Variants in TYW1B observed in about 807,000 individuals in gnomAD.
TYW1B encodes tRNA-yW synthesizing protein 1 homolog B.
In TYW1B, 73 loss-of-function variants were observed where a neutral mutation model predicts 86.9. That is an observed-to-expected ratio of 0.84 (90% CI 0.70 to 1.02). The LOEUF (loss-of-function observed/expected upper bound fraction) is 1.02. Among genes scored for constraint, TYW1B ranks in the 50% least tolerant of loss-of-function variants. The probability of loss-of-function intolerance (pLI) is 0.00; values close to 1 mark genes in which losing one functional copy is unlikely to be tolerated. For missense variants in TYW1B, 637 were observed against 827.4 expected (o/e 0.77, Z 2.82); for synonymous variants, 248 against 292.8 (o/e 0.85, Z 1.56).
intron 13 of TYW1B, among the ~76,000 whole-genome samples, chr7:72,609,045 T>C (rs1811868340): frequency 6.6e-6 from 1 of 152,222 alleles, no homozygotes; most frequent in South Asian, 2.1e-4. Flanking sequence ...TAACGTACTA[T>C]GATCACGTAA....
intron 7 of TYW1B, among the ~76,000 whole-genome samples, chr7:72,764,401 G>C (rs34559087): frequency 0.68 from 103,622 of 151,294 alleles, 36,382 homozygotes; most frequent in Non-Finnish European, 0.77. Flanking sequence ...TTCTGCCTCA[G>C]CCTCCCGAGT....
chr7:72,685,456 AAC>A (rs1327362395), intron 11 of TYW1B, among the ~76,000 whole-genome samples: 5 of 152,206 alleles, frequency 3.3e-5, no homozygotes, highest in African/African-American at 1.2e-4. Flanking sequence ...TTGTTGCAAG[AAC>A]AGACAAATAG....
intron 11 of TYW1B, among the ~76,000 whole-genome samples, chr7:72,689,973 C>T (rs2129570163): frequency 6.6e-6 from 1 of 152,232 alleles, no homozygotes; most frequent in Middle Eastern, 3.4e-3. Flanking sequence ...CATTAATGTA[C>T]AATAAGCCCT....
chr7:72,678,830 C>A (rs117829997), intron 11 of TYW1B, among the ~76,000 whole-genome samples: 2,670 of 151,980 alleles, frequency 0.018, 38 homozygotes, highest in Non-Finnish European at 0.027. Flanking sequence ...TATAAGCCAA[C>A]GTGCCCGGAC....
At chr7:72,809,723 G>C (rs1455683909) in intron 4 of TYW1B, among the ~76,000 whole-genome samples, 2 of 152,082 alleles carry the variant, frequency 1.3e-5, no homozygotes, top group African/African-American at 4.8e-5. Context: ...GGGCAGGCTG[G>C]GCATGATGGC....
intron 11 of TYW1B, among the ~76,000 whole-genome samples, chr7:72,654,496 G>A (rs1251539125): frequency 6.6e-6 from 1 of 152,200 alleles, no homozygotes; most frequent in East Asian, 1.9e-4. Context: ...AATGTAAGGT[G>A]CTATCCTGAA....
intron 6 of TYW1B, among the ~76,000 whole-genome samples, chr7:72,800,629 G>A (rs564987198): frequency 1.3e-4 from 20 of 149,862 alleles, no homozygotes; most frequent in Non-Finnish European, 2.9e-4. Context: ...TCATGAGCCA[G>A]TACTACAGTT....
At chr7:72,617,948 A>C (rs1554437235) in intron 12 of TYW1B, among the ~76,000 whole-genome samples, 1 of 152,074 alleles carries the variant, frequency 6.6e-6, no homozygotes, top group Non-Finnish European at 1.5e-5. Flanking sequence ...AAAATGATTA[A>C]TTTTCTAATA....
intron 13 of TYW1B, among the ~76,000 whole-genome samples, chr7:72,593,479 T>C (rs1388823190): frequency 3.9e-5 from 6 of 152,004 alleles, no homozygotes; most frequent in Admixed American, 2.0e-4. Flanking sequence ...TTCAAAAACA[T>C]AGATATCATA....
intron 11 of TYW1B, among the ~76,000 whole-genome samples, chr7:72,645,446 A>G (rs1226348949): frequency 2.6e-5 from 4 of 152,224 alleles, no homozygotes; most frequent in Non-Finnish European, 5.9e-5. Context: ...ATACACAGTG[A>G]ACATCAGTTA....
At chr7:72,791,549 G>C (rs534331119) in intron 6 of TYW1B, among the ~76,000 whole-genome samples, 1 of 152,242 alleles carries the variant, frequency 6.6e-6, no homozygotes, top group East Asian at 1.9e-4. Flanking sequence ...AGGCCAAGGT[G>C]GGCGGATCAT....
intron 10 of TYW1B, among the ~76,000 whole-genome samples, chr7:72,703,011 TATATATA>T: frequency 3.1e-5 from 1 of 32,248 alleles, no homozygotes; most frequent in African/African-American, 9.9e-5. Flanking sequence ...TATATATATA[TATATATA>T]TATATATATT....
intron 2 of TYW1B, among the ~76,000 whole-genome samples, chr7:72,818,578 C>CAAAAAAAAA (rs57325230): frequency 2.6e-5 from 1 of 38,424 alleles, no homozygotes; most frequent in Admixed American, 3.0e-4. Flanking sequence ...GACTCCATCT[C>CAAAAAAAAA]AAAAAAAAAA....
intron 2 of TYW1B, among the ~76,000 whole-genome samples, chr7:72,826,493 C>T (rs1303593222): frequency 2.0e-5 from 3 of 152,120 alleles, no homozygotes; most frequent in Non-Finnish European, 2.9e-5. Flanking sequence ...ATACTTTTAT[C>T]CTATAAGGTA....
intron 7 of TYW1B, among the ~76,000 whole-genome samples, chr7:72,767,593 G>T (rs1457263558): frequency 6.6e-6 from 1 of 151,900 alleles, no homozygotes; most frequent in African/African-American, 2.4e-5. Context: ...CTGGGTGACA[G>T]AGCAAGACCC....
At chr7:72,609,464 C>G (rs1811882514) in intron 13 of TYW1B, among the ~76,000 whole-genome samples, 1 of 152,024 alleles carries the variant, frequency 6.6e-6, no homozygotes, top group South Asian at 2.1e-4. Context: ...GAGGCTTAAG[C>G]AGGAGGACTG....
At chr7:72,717,513 C>T (rs1786813584) in intron 9 of TYW1B, among the ~76,000 whole-genome samples, 2 of 152,118 alleles carry the variant, frequency 1.3e-5, no homozygotes, top group South Asian at 2.1e-4. Flanking sequence ...CAGAAAAAAA[C>T]AAAGAGAATG....
chr7:72,662,426 T>TAGATAG (rs1167831524), intron 11 of TYW1B, among the ~76,000 whole-genome samples: 52 of 118,736 alleles, frequency 4.4e-4, no homozygotes, highest in South Asian at 1.6e-3. Context: ...AATATATATA[T>TAGATAG]ATAGATAGAT....
intron 10 of TYW1B, among the ~76,000 whole-genome samples, chr7:72,713,171 G>A (rs1786706849): frequency 6.6e-6 from 1 of 151,438 alleles, no homozygotes; most frequent in Admixed American, 6.6e-5. Flanking sequence ...CATGGTGCCA[G>A]GCACCTGTAG....
Sources: allele counts gnomAD v4.1 joint callset (sites outside exome capture counted in the v4.1 genomes callset), GRCh38; gene constraint gnomAD v4.1.1; transcripts MANE v1.5; gene names NCBI Gene and HGNC (gene_info 2026-07-23, HGNC 2026-07-21).